LRRN2: variants seen among roughly 807,000 people sequenced by gnomAD.
LRRN2 encodes leucine rich repeat neuronal 2, also known as leucine-rich repeat neuronal protein 2.
A neutral mutation model predicts 35.7 loss-of-function variants in LRRN2; 10 were observed. The ratio of observed to expected loss-of-function variants is 0.28; its 90% CI spans 0.17 to 0.47. The LOEUF is 0.47. Among genes scored for constraint, LRRN2 ranks in the 20% least tolerant of loss-of-function variants. The pLI is 0.99. For synonymous variants in LRRN2, 391 were observed against 409.6 expected (o/e 0.95, Z 0.55); for missense variants, 731 against 940.3 (o/e 0.78, Z 2.91).
intron 1 of LRRN2, chr1:204,664,169 A>G (rs1006440336): frequency 2.6e-5 from 4 of 152,112 alleles, no homozygotes; most frequent in Non-Finnish European, 5.9e-5. Context: ...AAAATTAGAA[A>G]TCCTCCCCAC....
At chr1:204,682,488 G>A (rs1047068373) in intron 1 of LRRN2, among the ~76,000 whole-genome samples, 2 of 152,190 alleles carry the variant, frequency 1.3e-5, no homozygotes, top group African/African-American at 4.8e-5. Context: ...GCAGATACAA[G>A]TGATTTCAAA....
Position 204,641,433 on chromosome 1 carries a change from T to C in LRRN2, c.-226-21215A>G, listed in dbSNP as rs184168004. ...GTTCATTGTTTAGGTTGACACCAGCTATAGGACAACCTCACTGACCCCAGT... is the reference window on the plus strand; with the variant it reads ...GTTCATTGTTTAGGTTGACACCAGCCATAGGACAACCTCACTGACCCCAGT... On this transcript the variant is annotated intron_variant, in intron 1 of 1. Coordinates refer to ENST00000367177, the MANE Select transcript of LRRN2 (RefSeq NM_201630.2). Among the ~76,000 whole-genome samples, 183 of 152,362 alleles carry C rather than the reference T, an allele frequency of 1.2e-3. 1 individual carries two copies. Among genetic ancestry groups the C allele is most frequent in the African/African-American group, 4.1e-3 (170 of 41,586 alleles).
At chr1:204,664,432 ACCT>A (rs1668534064) in intron 1 of LRRN2, 2 of 152,030 alleles carry the variant, frequency 1.3e-5, no homozygotes, top group African/African-American at 4.8e-5. Flanking sequence ...TGGTGATGTG[ACCT>A]CCTTTGCCCT....
At chr1:204,640,880 A>G (rs548514897) in intron 1 of LRRN2, among the ~76,000 whole-genome samples, 1 of 152,240 alleles carries the variant, frequency 6.6e-6, no homozygotes, top group African/African-American at 2.4e-5. Context: ...ACACAGTTCC[A>G]CATCATTACC....
intron 1 of LRRN2, among the ~76,000 whole-genome samples, chr1:204,666,072 T>A (rs1435591822): frequency 6.6e-6 from 1 of 152,174 alleles, no homozygotes; most frequent in Non-Finnish European, 1.5e-5. Context: ...ACCTGCAAAT[T>A]CGATGCAAAA....
intron 1 of LRRN2, among the ~76,000 whole-genome samples, chr1:204,637,109 C>T (rs1667852428): frequency 6.6e-6 from 1 of 152,076 alleles, no homozygotes; most frequent in Non-Finnish European, 1.5e-5. Flanking sequence ...TGATTGCTCA[C>T]TGTAAAATTC....
chr1:204,619,397 T>C lies in LRRN2; in HGVS notation c.596A>G (p.Asn199Ser). 1 of 1,614,228 alleles carries C rather than the reference T, an allele frequency of 6.2e-7. No homozygotes were observed. The highest frequency in any genetic ancestry group is 8.5e-7 in the Non-Finnish European group (1 of 1,180,028). ...PNLEILMIGG[N>S]KVDAILDMNF... ...CATGTCCAGGATGGCATCTACCTTG[T>C]TGCCGCCAATCATGAGTATCTCCAA... The change falls in exon 2 of 2, where the codon AAC (asparagine) becomes AGC (serine). Residue 199 changes from asparagine (N) to serine (S), a missense_variant. Physicochemically the swap from Asn to Ser is conservative, Grantham distance 46. Transcript: ENST00000367177.
Position 204,619,406 on chromosome 1 carries a change from A to G in LRRN2, c.587T>C (p.Ile196Thr), listed in dbSNP as rs762124240. Residue 196 changes from isoleucine to threonine, a missense_variant, in exon 2 of 2, where the codon ATT becomes ACT. By Grantham distance (89) the Ile-to-Thr change is moderately conservative. This residue lies in a region of LRRN2 where 246 missense variants were observed against 289.5 expected (regional missense o/e 0.85). Transcript: ENST00000367177. Reference sequence around the variant, plus strand: ...GATGGCATCTACCTTGTTGCCGCCAATCATGAGTATCTCCAAGTTGGGCAG... The same window carrying G: ...GATGGCATCTACCTTGTTGCCGCCAGTCATGAGTATCTCCAAGTTGGGCAG... ...EMLPNLEILMIGGNKVDAILD... is the reference protein window; with the variant it reads ...EMLPNLEILMTGGNKVDAILD... The G allele has an allele frequency of 3.1e-6, 5 of 1,614,094 alleles. No homozygotes were observed. Among genetic ancestry groups the G allele is most frequent in the South Asian group, 1.1e-5 (1 of 91,094 alleles).
At chr1:204,643,941 A>T (rs1485935195) in intron 1 of LRRN2, among the ~76,000 whole-genome samples, 2 of 152,168 alleles carry the variant, frequency 1.3e-5, no homozygotes, top group African/African-American at 4.8e-5. Flanking sequence ...CTGAGTGTCA[A>T]CTTCCATATT....
chr1:204,658,180 A>G (rs892071084), intron 1 of LRRN2, among the ~76,000 whole-genome samples: 7 of 151,722 alleles, frequency 4.6e-5, no homozygotes, highest in African/African-American at 1.2e-4. Flanking sequence ...GTTTCACTAT[A>G]TTGGCCAGGC....
intron 1 of LRRN2, among the ~76,000 whole-genome samples, chr1:204,654,342 T>C (rs1048266945): frequency 1.3e-5 from 2 of 152,202 alleles, no homozygotes; most frequent in African/African-American, 4.8e-5. Flanking sequence ...TTGAATACTG[T>C]AGACAAGTTT....
intron 1 of LRRN2, among the ~76,000 whole-genome samples, chr1:204,643,482 G>A (rs1348534083): frequency 6.6e-6 from 1 of 152,100 alleles, no homozygotes; most frequent in Non-Finnish European, 1.5e-5. Flanking sequence ...CCCTTTCCAC[G>A]AAGATGACTG....
intron 1 of LRRN2, among the ~76,000 whole-genome samples, chr1:204,683,775 C>T (rs1476622451): frequency 1.3e-5 from 2 of 152,162 alleles, no homozygotes; most frequent in Non-Finnish European, 2.9e-5. Context: ...GAAGGAGAAG[C>T]CTGAGTCAGC....
At chr1:204,634,804 C>T (rs1667792964) in intron 1 of LRRN2, among the ~76,000 whole-genome samples, 1 of 152,222 alleles carries the variant, frequency 6.6e-6, no homozygotes. Context: ...GTAACATAGG[C>T]ATCCTGAGTT....
intron 1 of LRRN2, among the ~76,000 whole-genome samples, chr1:204,683,380 G>C (rs1668994838): frequency 6.6e-6 from 1 of 151,958 alleles, no homozygotes. Context: ...GAGGGTGAGA[G>C]AAGAGGAAGA....
At chr1:204,633,745 GT>G in intron 1 of LRRN2, among the ~76,000 whole-genome samples, 1 of 152,282 alleles carries the variant, frequency 6.6e-6, no homozygotes, top group Non-Finnish European at 1.5e-5. Context: ...ACCCTCTCCA[GT>G]CCCCGCTGCC....
intron 1 of LRRN2, chr1:204,629,131 A>G (rs1286515713): frequency 6.6e-6 from 1 of 152,164 alleles, no homozygotes; most frequent in Non-Finnish European, 1.5e-5. Context: ...CCTGGGACAG[A>G]GGCAAGGGCG....
intron 1 of LRRN2, among the ~76,000 whole-genome samples, chr1:204,625,733 GA>G (rs1290352817): frequency 2.6e-5 from 4 of 152,162 alleles, no homozygotes; most frequent in Non-Finnish European, 4.4e-5. Context: ...AGGGTCTTTG[GA>G]ATTAGGTTAC....
Position 204,659,717 on chromosome 1 carries a change from C to A in LRRN2, c.-227+25603G>T, listed in dbSNP as rs568046715. Among the ~76,000 whole-genome samples, 4 of 152,004 alleles carry A rather than the reference C, an allele frequency of 2.6e-5. No individual in the cohort carries two copies. In the South Asian group the frequency reaches 8.3e-4, roughly 32 times the overall value. On this transcript the variant is annotated intron_variant, in intron 1 of 1. Transcript: ENST00000367177. ...TTTTTTCCCCAGTGTATTTACTATG[C>A]AAATGAGTTACTATGTGTGAAGTGT...
Sources: allele counts gnomAD v4.1 joint callset (sites outside exome capture counted in the v4.1 genomes callset), GRCh38; gene constraint gnomAD v4.1.1; regional missense constraint gnomAD v4.1.1; transcripts MANE v1.5; gene names NCBI Gene and HGNC (gene_info 2026-07-23, HGNC 2026-07-21).